The following CSMD1 variants were observed in gnomAD, a reference collection of about 807,000 sequenced individuals.
CSMD1 encodes the protein CUB and sushi domain-containing protein 1.
In CSMD1, 213 loss-of-function variants were observed where a neutral mutation model predicts 417.5. The ratio of observed to expected loss-of-function variants is 0.51; its 90% CI spans 0.46 to 0.57. CSMD1 has a LOEUF of 0.57. Ranked by LOEUF, CSMD1 falls within the 20% of genes least tolerant of loss-of-function variation. CSMD1 has a pLI of 0.00. For synonymous variants in CSMD1, 2,862 were observed against 1,736.8 expected, an observed-to-expected ratio of 1.65 and a Z score of -16.11; for missense variants, 6,923 against 4,529.7, an observed-to-expected ratio of 1.53 and a Z score of -15.17.
intron 22 of CSMD1, among the ~76,000 whole-genome samples, chr8:3,346,826 C>A (rs943107196): frequency 6.6e-5 from 10 of 152,308 alleles, no homozygotes; most frequent in Non-Finnish European, 1.2e-4. Flanking sequence ...TCATTATGTG[C>A]ATCTACGTAG....
At chr8:3,404,692 T>C (rs1812240405) in intron 15 of CSMD1, among the ~76,000 whole-genome samples, 1 of 152,208 alleles carries the variant, frequency 6.6e-6, no homozygotes, top group South Asian at 2.1e-4. Context: ...CCCATAACCA[T>C]AATTAACATT....
intron 3 of CSMD1, among the ~76,000 whole-genome samples, chr8:4,095,672 G>C (rs1201022930): frequency 2.0e-5 from 3 of 152,298 alleles, no homozygotes; most frequent in African/African-American, 4.8e-5. Flanking sequence ...GAGGGTTCTT[G>C]TAAAATTAAA....
intron 3 of CSMD1, among the ~76,000 whole-genome samples, chr8:4,374,956 T>TGGGG (rs1802630927): frequency 1.2e-3 from 1 of 808 alleles, no homozygotes; most frequent in Non-Finnish European, 2.8e-3. Context: ...CAGACAAAGG[T>TGGGG]GGGGTGGGGG....
At chr8:3,483,362 A>T (rs1226554807) in intron 11 of CSMD1, among the ~76,000 whole-genome samples, 1 of 152,096 alleles carries the variant, frequency 6.6e-6, no homozygotes, top group Non-Finnish European at 1.5e-5. Flanking sequence ...ATAACTGTAA[A>T]TTCATAAATT....
chr8:4,569,706 A>C (rs564856277), intron 2 of CSMD1, among the ~76,000 whole-genome samples: 2 of 152,326 alleles, frequency 1.3e-5, no homozygotes, highest in Non-Finnish European at 2.9e-5. Flanking sequence ...TGGGAATAGC[A>C]TTGAATCTAT....
chr8:3,841,381 C>G (rs772603245), intron 5 of CSMD1, among the ~76,000 whole-genome samples: 1 of 152,042 alleles, frequency 6.6e-6, no homozygotes, highest in Non-Finnish European at 1.5e-5. Flanking sequence ...GGTTCTCAAC[C>G]TCAAGCAATG....
At chr8:4,190,705 A>C (rs73512852) in intron 3 of CSMD1, among the ~76,000 whole-genome samples, 5,870 of 152,250 alleles carry the variant, frequency 0.039, 385 homozygotes, top group African/African-American at 0.13. Context: ...ATTAACAAAC[A>C]TTTTACAGAA....
At chr8:4,644,844 T>C (rs538124569) in intron 1 of CSMD1, among the ~76,000 whole-genome samples, 1 of 152,396 alleles carries the variant, frequency 6.6e-6, no homozygotes, top group African/African-American at 2.4e-5. Context: ...CTTGTTTATA[T>C]GCCCATTTCT....
chr8:3,805,566 A>C (rs943284929), intron 5 of CSMD1, among the ~76,000 whole-genome samples: 3 of 152,168 alleles, frequency 2.0e-5, no homozygotes, highest in East Asian at 1.9e-4. Context: ...TGTTTGCAAG[A>C]AACAGGTGAA....
At chr8:3,175,389 A>G (rs530611055) in intron 37 of CSMD1, among the ~76,000 whole-genome samples, 67 of 152,188 alleles carry the variant, frequency 4.4e-4, no homozygotes, top group African/African-American at 7.9e-4. Context: ...CAATTTTTCT[A>G]TCAGGATTTT....
chr8:3,837,871 G>A (rs1336934933), intron 5 of CSMD1, among the ~76,000 whole-genome samples: 1 of 151,996 alleles, frequency 6.6e-6, no homozygotes, highest in African/African-American at 2.4e-5. Context: ...CAACCTCACA[G>A]GACTAGTTTT....
At chr8:3,204,165 G>A (rs1030073421) in intron 31 of CSMD1, among the ~76,000 whole-genome samples, 4 of 152,302 alleles carry the variant, frequency 2.6e-5, no homozygotes, top group Non-Finnish European at 4.4e-5. Context: ...GGATGTGATC[G>A]TTTGTGTGAT....
At position 3,772,544 on chromosome 8, in the gene CSMD1, CATATATACATATATACAT is replaced by C. The variant is rs1563064746; in HGVS notation, c.819-18520_819-18503del. Among the ~76,000 whole-genome samples, 277 of 47,628 alleles carry C rather than the reference CATATATACATATATACAT, an allele frequency of 5.8e-3. 45 individuals carry two copies. Among genetic ancestry groups the C allele is most frequent in the African/African-American group, 0.014 (257 of 18,714 alleles). 31.2% of individuals were successfully genotyped at this position (47,628 alleles called of 152,430 possible). On this transcript the variant is annotated intron_variant, in intron 5 of 69. Transcript: ENST00000635120. ...ATATACACATATATACATATATACA[CATATATACATATATACAT>C]ATATATACATATATACACATATATT...
chr8:4,240,661 T>C (rs557433287), intron 3 of CSMD1, among the ~76,000 whole-genome samples: 26 of 152,266 alleles, frequency 1.7e-4, no homozygotes, highest in Non-Finnish European at 2.9e-4. Flanking sequence ...ACTCCCCTTA[T>C]ACACTCCTGG....
At chr8:3,628,836 C>A (rs1353850912) in intron 7 of CSMD1, among the ~76,000 whole-genome samples, 1 of 151,876 alleles carries the variant, frequency 6.6e-6, no homozygotes, top group Non-Finnish European at 1.5e-5. Context: ...CTCTCTCTTT[C>A]TTAAGTGGTT....
intron 10 of CSMD1, among the ~76,000 whole-genome samples, chr8:3,525,001 A>G (rs1401085455): frequency 6.6e-6 from 1 of 152,232 alleles, no homozygotes; most frequent in Non-Finnish European, 1.5e-5. Context: ...TAATGTATGT[A>G]TCATCAAGTT....
intron 23 of CSMD1, among the ~76,000 whole-genome samples, chr8:3,331,099 G>A (rs1027016019): frequency 1.2e-4 from 18 of 152,056 alleles, no homozygotes; most frequent in Non-Finnish European, 1.6e-4. Flanking sequence ...TTAGCCTGGC[G>A]TGGTGGCGGG....
chr8:4,338,044 C>T (rs1054264909), intron 3 of CSMD1, among the ~76,000 whole-genome samples: 2 of 152,128 alleles, frequency 1.3e-5, no homozygotes, highest in African/African-American at 4.8e-5. Context: ...TTCCAAGAAT[C>T]TGCTTCAATA....
intron 6 of CSMD1, among the ~76,000 whole-genome samples, chr8:3,748,447 A>G (rs1797163114): frequency 6.6e-6 from 1 of 152,194 alleles, no homozygotes; most frequent in Non-Finnish European, 1.5e-5. Context: ...GACACTCTGC[A>G]GAGCAGTGGT....
Sources: allele counts gnomAD v4.1 joint callset (sites outside exome capture counted in the v4.1 genomes callset), GRCh38; gene constraint gnomAD v4.1.1; transcripts MANE v1.5; gene names NCBI Gene and HGNC (gene_info 2026-07-23, HGNC 2026-07-21).